The following MAGI2 variants were observed in gnomAD, a reference collection of about 807,000 sequenced individuals.
The protein encoded by MAGI2 is membrane-associated guanylate kinase, WW and PDZ domain-containing protein 2.
In MAGI2, 35 loss-of-function variants were observed where a neutral mutation model predicts 133.3. The observed-to-expected ratio is 0.26, with a 90% confidence interval of 0.20 to 0.35. The LOEUF (loss-of-function observed/expected upper bound fraction) is 0.35, where lower values mean the gene tolerates loss of function less well. Ranked by LOEUF, MAGI2 falls within the 10% of genes least tolerant of loss-of-function variation. The pLI, the probability that MAGI2 is intolerant of heterozygous loss-of-function variation, is 1.00. For synonymous variants in MAGI2, 729 were observed against 710.6 expected, an observed-to-expected ratio of 1.03 and a Z score of -0.41; for missense variants, 1,636 against 1,863.4, an observed-to-expected ratio of 0.88 and a Z score of 2.25.
At chr7:78,437,048 C>T (rs66958335) in intron 6 of MAGI2, among the ~76,000 whole-genome samples, 11,666 of 152,190 alleles carry the variant, frequency 0.077, 518 homozygotes, top group South Asian at 0.095. Context: ...GAGAAAGGTT[C>T]AGACTGAGGT....
intron 20 of MAGI2, among the ~76,000 whole-genome samples, chr7:78,095,428 T>C (rs1447174711): frequency 6.6e-6 from 1 of 152,156 alleles, no homozygotes; most frequent in Non-Finnish European, 1.5e-5. Context: ...TTTTGTAGTG[T>C]CCACTCAACC....
intron 1 of MAGI2, among the ~76,000 whole-genome samples, chr7:79,438,582 G>A (rs189707801): frequency 2.1e-4 from 32 of 152,166 alleles, no homozygotes; most frequent in Non-Finnish European, 4.4e-4. Context: ...CGTCTTTGCA[G>A]CTAATGGCAT....
chr7:79,053,369 T>C (rs1400065991), intron 1 of MAGI2, among the ~76,000 whole-genome samples: 2 of 152,062 alleles, frequency 1.3e-5, no homozygotes, highest in Non-Finnish European at 2.9e-5. Context: ...AAAATATCAG[T>C]TTTCCAAAAA....
chr7:78,341,182 G>A (rs146332263), intron 9 of MAGI2, among the ~76,000 whole-genome samples: 1 of 151,942 alleles, frequency 6.6e-6, no homozygotes, highest in Admixed American at 6.6e-5. Context: ...CAAACAGAAG[G>A]CCAAATCATA....
intron 3 of MAGI2, among the ~76,000 whole-genome samples, chr7:78,539,479 TTTTTTTG>T (rs1373760684): frequency 8.1e-6 from 1 of 122,958 alleles, no homozygotes; most frequent in Non-Finnish European, 2.0e-5. Flanking sequence ...AGTTTTTTTG[TTTTTTTG>T]TTTTTTTGTG....
chr7:78,298,005 G>T (rs1372407953), intron 9 of MAGI2, among the ~76,000 whole-genome samples: 1 of 151,100 alleles, frequency 6.6e-6, no homozygotes, highest in Non-Finnish European at 1.5e-5. Context: ...AGAATTGTCT[G>T]GGAAAAAAAA....
chr7:78,371,134 A>T (rs576890276), intron 6 of MAGI2, among the ~76,000 whole-genome samples: 2 of 151,954 alleles, frequency 1.3e-5, no homozygotes, highest in Non-Finnish European at 2.9e-5. Flanking sequence ...CTTAATTTAG[A>T]TTAAGAAGAA....
At chr7:78,577,568 G>A (rs894771216) in intron 3 of MAGI2, among the ~76,000 whole-genome samples, 1 of 151,452 alleles carries the variant, frequency 6.6e-6, no homozygotes, top group Admixed American at 6.6e-5. Flanking sequence ...GGCTGAGTCC[G>A]AAAAGAGAGT....
rs542866250 is a variant in MAGI2, at chr7:79,087,441, C to T, written c.302-80235G>A. Among the ~76,000 whole-genome samples, 8 of 151,978 alleles carry T rather than the reference C, an allele frequency of 5.3e-5. No individual in the cohort carries two copies. The East Asian group carries it at 1.5e-3, about 29-fold the overall frequency. On this transcript the variant is annotated intron_variant, in intron 1 of 21. Coordinates refer to ENST00000354212, the MANE Select transcript of MAGI2 (RefSeq NM_012301.4). ...TAGATTCAGTGTTATACATTGAAGG[C>T]TTTGCAATGTTTACATAAGTATTTT...
At chr7:79,046,713 A>G (rs574246165) in intron 1 of MAGI2, among the ~76,000 whole-genome samples, 16 of 152,336 alleles carry the variant, frequency 1.1e-4, no homozygotes, top group African/African-American at 3.4e-4. Context: ...CTACTGCATC[A>G]TGCTGGCACT....
intron 1 of MAGI2, among the ~76,000 whole-genome samples, chr7:79,211,278 T>G (rs1585210629): frequency 6.6e-6 from 1 of 151,960 alleles, no homozygotes; most frequent in South Asian, 2.1e-4. Flanking sequence ...AAACCTTTCT[T>G]TTTATTTATT....
At chr7:78,514,959 T>G (rs1795915955) in intron 4 of MAGI2, among the ~76,000 whole-genome samples, 1 of 152,214 alleles carries the variant, frequency 6.6e-6, no homozygotes, top group Non-Finnish European at 1.5e-5. Flanking sequence ...TTCTCTTTGT[T>G]GGCGAAGGTA....
chr7:78,553,041 G>T (rs1461770591), intron 3 of MAGI2, among the ~76,000 whole-genome samples: 2 of 149,324 alleles, frequency 1.3e-5, no homozygotes, highest in Non-Finnish European at 3.0e-5. Context: ...CTTAAAAACT[G>T]TAAGAGGCAG....
chr7:79,066,995 T>C (rs577876179), intron 1 of MAGI2, among the ~76,000 whole-genome samples: 1 of 152,350 alleles, frequency 6.6e-6, no homozygotes, highest in Non-Finnish European at 1.5e-5. Context: ...AGTACCATGC[T>C]GTTTTGGTTA....
At chr7:78,146,633 A>G (rs1823334223) in intron 16 of MAGI2, among the ~76,000 whole-genome samples, 1 of 152,178 alleles carries the variant, frequency 6.6e-6, no homozygotes, top group African/African-American at 2.4e-5. Context: ...GTTCAATAAA[A>G]CTACACTTTC....
intron 9 of MAGI2, among the ~76,000 whole-genome samples, chr7:78,293,116 G>A (rs1796887139): frequency 6.6e-6 from 1 of 152,200 alleles, no homozygotes; most frequent in African/African-American, 2.4e-5. Flanking sequence ...CTTGTGCACT[G>A]CAAAAGAAAC....
chr7:79,402,398 T>C (rs1290076266), intron 1 of MAGI2, among the ~76,000 whole-genome samples: 1 of 152,138 alleles, frequency 6.6e-6, no homozygotes, highest in Non-Finnish European at 1.5e-5. Context: ...TCATTTCATG[T>C]TTGTCTGTTA....
chr7:79,446,837 A>G (rs1848886051), intron 1 of MAGI2, among the ~76,000 whole-genome samples: 1 of 152,200 alleles, frequency 6.6e-6, no homozygotes, highest in African/African-American at 2.4e-5. Context: ...CTGTAGTCCC[A>G]GCTACTCAGG....
At chr7:78,070,197 A>G in intron 21 of MAGI2, among the ~76,000 whole-genome samples, 1 of 45,810 alleles carries the variant, frequency 2.2e-5, no homozygotes, top group Non-Finnish European at 5.7e-5. Context: ...ATATATATAT[A>G]TATATATATA....
Sources: gnomAD v4.1 joint callset for allele counts (sites outside exome capture counted in the v4.1 genomes callset) on GRCh38, gnomAD v4.1.1 for gene constraint, MANE v1.5 for transcripts, NCBI Gene and HGNC (gene_info 2026-07-23, HGNC 2026-07-21) for gene names.